The following SLCO5A1 variants were observed in gnomAD, a reference collection of about 807,000 sequenced individuals.
SLCO5A1 encodes the protein organic anion transporter polypeptide-related protein 4.
SLCO5A1 carries 39 observed loss-of-function variants against 65.1 expected under a neutral mutation model. That is an observed-to-expected ratio of 0.60 (90% CI 0.46 to 0.78). The LOEUF (loss-of-function observed/expected upper bound fraction) is 0.78, where lower values mean the gene tolerates loss of function less well. Ranked by LOEUF, SLCO5A1 falls within the 30% of genes least tolerant of loss-of-function variation. SLCO5A1 has a pLI of 0.00. For missense variants in SLCO5A1, 1,029 were observed against 1,069.4 expected, an observed-to-expected ratio of 0.96 and a Z score of 0.53; for synonymous variants, 438 against 415.7, an observed-to-expected ratio of 1.05 and a Z score of -0.65.
chr8:69,728,136 G>C lies in SLCO5A1; in HGVS notation c.1423+9904C>G, dbSNP rs139566087. 7.6e-3 allele frequency among the ~76,000 whole-genome samples: 1,159 copies of C among 152,236 alleles called. 15 individuals are homozygous for C. Among genetic ancestry groups the C allele is most frequent in the African/African-American group, 0.026 (1,096 of 41,534 alleles). Reference sequence around the variant, plus strand: ...CAAGGTCTCTAGACTGTATGGTACAGAACAGGGCATATAGCATGCCAACCT... The same window carrying C: ...CAAGGTCTCTAGACTGTATGGTACACAACAGGGCATATAGCATGCCAACCT... On this transcript the variant is annotated intron_variant, in intron 5 of 9. Transcript: ENST00000260126.
At chr8:69,698,725 T>G (rs182166174) in intron 6 of SLCO5A1, among the ~76,000 whole-genome samples, 46 of 152,334 alleles carry the variant, frequency 3.0e-4, no homozygotes, top group African/African-American at 1.0e-3. Context: ...AACCTAGAAT[T>G]CTACGCCTGC....
At chr8:69,802,278 G>A (rs1029740181) in intron 2 of SLCO5A1, among the ~76,000 whole-genome samples, 3 of 152,070 alleles carry the variant, frequency 2.0e-5, no homozygotes, top group Non-Finnish European at 4.4e-5. Context: ...CGAGGTGGGA[G>A]GATCGCTTGA....
chr8:69,744,456 C>A (rs190049283), intron 4 of SLCO5A1, among the ~76,000 whole-genome samples: 1 of 152,350 alleles, frequency 6.6e-6, no homozygotes, highest in Non-Finnish European at 1.5e-5. Flanking sequence ...GCATCTGCCC[C>A]TGTAGGAAGC....
At chr8:69,751,678 C>T (rs552791925) in intron 4 of SLCO5A1, among the ~76,000 whole-genome samples, 1 of 152,170 alleles carries the variant, frequency 6.6e-6, no homozygotes, top group East Asian at 1.9e-4. Context: ...TCCAAAGTAG[C>T]TGGGATTACA....
chr8:69,698,443 C>A (rs1331784931), intron 6 of SLCO5A1, among the ~76,000 whole-genome samples: 1 of 152,196 alleles, frequency 6.6e-6, no homozygotes, highest in Non-Finnish European at 1.5e-5. Flanking sequence ...GTGCTTTCTA[C>A]AATGGCTAAA....
At chr8:69,718,714 T>C (rs978235912) in intron 5 of SLCO5A1, among the ~76,000 whole-genome samples, 3 of 152,188 alleles carry the variant, frequency 2.0e-5, no homozygotes, top group African/African-American at 7.2e-5. Flanking sequence ...TTATTGAGCA[T>C]CCACTCTGTG....
At chr8:69,736,900 G>C (rs536371817) in intron 5 of SLCO5A1, among the ~76,000 whole-genome samples, 1 of 152,202 alleles carries the variant, frequency 6.6e-6, no homozygotes, top group African/African-American at 2.4e-5. Flanking sequence ...CTCAACAAAG[G>C]GTTAGTGGAA....
At chr8:69,741,804 C>A (rs936721640) in intron 4 of SLCO5A1, among the ~76,000 whole-genome samples, 9 of 152,256 alleles carry the variant, frequency 5.9e-5, no homozygotes, top group Admixed American at 4.6e-4. Context: ...AATGGATATA[C>A]AAAGTTACTT....
chr8:69,773,817 G>A (rs956365400), intron 2 of SLCO5A1, among the ~76,000 whole-genome samples: 1 of 152,148 alleles, frequency 6.6e-6, no homozygotes, highest in African/African-American at 2.4e-5. Context: ...CTCCCTGGAA[G>A]ATCTTTCTTC....
intron 5 of SLCO5A1, among the ~76,000 whole-genome samples, chr8:69,736,257 T>A (rs115989023): frequency 0.02 from 3,054 of 152,318 alleles, 102 homozygotes; most frequent in African/African-American, 0.069. Flanking sequence ...TCTGCAGCCG[T>A]CACCCCAGCT....
intron 5 of SLCO5A1, among the ~76,000 whole-genome samples, chr8:69,716,989 A>C (rs751529734): frequency 3.9e-5 from 6 of 152,108 alleles, no homozygotes; most frequent in Non-Finnish European, 7.4e-5. Context: ...TGTGTTGCCC[A>C]GGCTGCTCTC....
chr8:69,810,404 GA>G (rs1352522907), intron 2 of SLCO5A1, among the ~76,000 whole-genome samples: 2 of 152,168 alleles, frequency 1.3e-5, no homozygotes, highest in Non-Finnish European at 2.9e-5. Context: ...ATCATAGCCT[GA>G]GGCCTAAAAG....
chr8:69,683,789 C>A (rs1186353125), intron 6 of SLCO5A1, among the ~76,000 whole-genome samples: 3 of 152,128 alleles, frequency 2.0e-5, no homozygotes, highest in Non-Finnish European at 4.4e-5. Context: ...TCTCGAACTC[C>A]TAACCTCGTG....
intron 2 of SLCO5A1, among the ~76,000 whole-genome samples, chr8:69,793,172 C>G (rs965679464): frequency 6.6e-6 from 1 of 151,978 alleles, no homozygotes; most frequent in Non-Finnish European, 1.5e-5. Context: ...TTAGTAGAAA[C>G]GGGGTTTCAC....
chr8:69,698,680 C>T (rs189794773), intron 6 of SLCO5A1, among the ~76,000 whole-genome samples: 3 of 152,292 alleles, frequency 2.0e-5, no homozygotes, highest in African/African-American at 7.2e-5. Flanking sequence ...TTCTCATGTC[C>T]TTTGCCCACT....
chr8:69,688,925 C>T (rs1295876125), intron 6 of SLCO5A1, among the ~76,000 whole-genome samples: 1 of 152,052 alleles, frequency 6.6e-6, no homozygotes, highest in Admixed American at 6.6e-5. Context: ...TGACTTCCAC[C>T]ATGGTTGAAC....
At chr8:69,816,297 T>C (rs1158735711) in intron 2 of SLCO5A1, among the ~76,000 whole-genome samples, 1 of 152,128 alleles carries the variant, frequency 6.6e-6, no homozygotes, top group Admixed American at 6.5e-5. Context: ...CTCTAGACAT[T>C]GCCAAATGTC....
chr8:69,729,262 A>T (rs1279725433), intron 5 of SLCO5A1, among the ~76,000 whole-genome samples: 3 of 151,694 alleles, frequency 2.0e-5, no homozygotes, highest in African/African-American at 7.3e-5. Flanking sequence ...GGCTAACATG[A>T]TGAAACCCCG....
intron 3 of SLCO5A1, among the ~76,000 whole-genome samples, chr8:69,756,358 T>C (rs1817541742): frequency 6.6e-6 from 1 of 151,956 alleles, no homozygotes; most frequent in Non-Finnish European, 1.5e-5. Context: ...TGAGCAGAGA[T>C]CAGGCCACTG....
Sources: allele counts gnomAD v4.1 joint callset (sites outside exome capture counted in the v4.1 genomes callset), GRCh38; gene constraint gnomAD v4.1.1; transcripts MANE v1.5; gene names NCBI Gene and HGNC (gene_info 2026-07-23, HGNC 2026-07-21).